Variants in ULK4 observed in about 807,000 individuals in gnomAD.
The protein encoded by ULK4 is unc-51 like kinase 4.
A neutral mutation model predicts 160.6 loss-of-function variants in ULK4; 133 were observed. That is an observed-to-expected ratio of 0.83 (90% CI 0.72 to 0.96). The LOEUF (loss-of-function observed/expected upper bound fraction) is 0.96, where lower values mean the gene tolerates loss of function less well. Ranked by LOEUF, ULK4 falls within the 40% of genes least tolerant of loss-of-function variation. ULK4 has a pLI of 0.00. For missense variants in ULK4, 1,580 were observed against 1,499.5 expected, an observed-to-expected ratio of 1.05 and a Z score of -0.89; for synonymous variants, 534 against 539.8, an observed-to-expected ratio of 0.99 and a Z score of 0.15.
chr3:41,806,434 A>G (rs1034321737), intron 19 of ULK4, among the ~76,000 whole-genome samples: 2 of 152,186 alleles, frequency 1.3e-5, no homozygotes, highest in Non-Finnish European at 2.9e-5. Context: ...TCAAAAAACC[A>G]GCTCCTGGAT....
At chr3:41,699,729 A>G (rs2125820032) in intron 27 of ULK4, among the ~76,000 whole-genome samples, 1 of 152,352 alleles carries the variant, frequency 6.6e-6, no homozygotes, top group South Asian at 2.1e-4. Context: ...AAACAACAGT[A>G]TGTTCCTTGG....
chr3:41,931,027 C>T (rs752464537), intron 5 of ULK4, among the ~76,000 whole-genome samples: 24 of 152,172 alleles, frequency 1.6e-4, no homozygotes, highest in Non-Finnish European at 2.4e-4. Context: ...AAGACATATG[C>T]ACACGTATGT....
intron 29 of ULK4, 94 bp from the exon 30 acceptor site, chr3:41,663,793 G>T: frequency 9.6e-7 from 1 of 1,041,752 alleles, no homozygotes. Flanking sequence ...TTTAGCTTAA[G>T]ACAGAAAGAT....
intron 3 of ULK4, chr3:41,937,729 GAGGT>G: frequency 5.2e-6 from 1 of 193,872 alleles, no homozygotes; most frequent in Non-Finnish European, 1.0e-5. Context: ...AAAATTTTAT[GAGGT>G]ACAGTATGCT....
At chr3:41,538,927 ATTT>A (rs2086602405) in intron 32 of ULK4, among the ~76,000 whole-genome samples, 1 of 151,776 alleles carries the variant, frequency 6.6e-6, no homozygotes, top group Admixed American at 6.6e-5. Context: ...TATATATTTT[ATTT>A]AAGATAGATA....
At chr3:41,547,875 C>A (rs1175241754) in intron 32 of ULK4, among the ~76,000 whole-genome samples, 1 of 152,164 alleles carries the variant, frequency 6.6e-6, no homozygotes, top group African/African-American at 2.4e-5. Context: ...TTGCAGTGAG[C>A]CAGGGAGGCT....
chr3:41,657,835 A>AAAAAAAAAAAAT (rs2035000764), intron 30 of ULK4, among the ~76,000 whole-genome samples: 1 of 142,514 alleles, frequency 7.0e-6, no homozygotes, highest in African/African-American at 2.5e-5. Context: ...AAAAAAAAAA[A>AAAAAAAAAAAAT]CACACACCAC....
chr3:41,809,355 T>A (rs1288198425), intron 19 of ULK4, among the ~76,000 whole-genome samples: 1 of 147,032 alleles, frequency 6.8e-6, no homozygotes, highest in African/African-American at 2.7e-5. Context: ...TTCAATGAAT[T>A]ACTAAAACAA....
intron 34 of ULK4, among the ~76,000 whole-genome samples, chr3:41,453,395 T>C (rs1176220541): frequency 6.6e-6 from 1 of 152,124 alleles, no homozygotes; most frequent in African/African-American, 2.4e-5. Context: ...TAGGCTAGTC[T>C]CAAATGCCAG....
intron 17 of ULK4, among the ~76,000 whole-genome samples, chr3:41,874,942 G>C (rs542943827): frequency 1.5e-4 from 23 of 152,348 alleles, no homozygotes; most frequent in African/African-American, 4.6e-4. Context: ...GGAAGGCTGA[G>C]GCAGGTGGAT....
At chr3:41,373,206 C>T (rs1219386033) in intron 35 of ULK4, among the ~76,000 whole-genome samples, 2 of 152,150 alleles carry the variant, frequency 1.3e-5, no homozygotes, top group Non-Finnish European at 2.9e-5. Flanking sequence ...TGACACCCCA[C>T]TGTCAATATT....
chr3:41,665,630 G>A (rs573547429), intron 29 of ULK4, among the ~76,000 whole-genome samples: 29 of 151,862 alleles, frequency 1.9e-4, no homozygotes, highest in Non-Finnish European at 3.2e-4. Context: ...GTAATTTCAA[G>A]AATGAAAAAA....
chr3:41,414,211 C>CA (rs2082476322), intron 34 of ULK4, among the ~76,000 whole-genome samples: 1 of 152,082 alleles, frequency 6.6e-6, no homozygotes. Flanking sequence ...CAAAAACAAA[C>CA]AAACAAACAA....
intron 4 of ULK4, among the ~76,000 whole-genome samples, chr3:41,932,336 G>A (rs867536285): frequency 4.6e-5 from 7 of 152,164 alleles, no homozygotes; most frequent in African/African-American, 1.7e-4. Context: ...GCTATAACAG[G>A]ATTTGAAAAC....
At chr3:41,877,081 T>TA (rs1300752656) in intron 17 of ULK4, among the ~76,000 whole-genome samples, 11 of 151,912 alleles carry the variant, frequency 7.2e-5, no homozygotes, top group Non-Finnish European at 1.2e-4. Context: ...TCTAAATATC[T>TA]AAAAAAAATT....
chr3:41,733,594 CTATT>C (rs1186148342), intron 22 of ULK4, among the ~76,000 whole-genome samples: 3 of 151,854 alleles, frequency 2.0e-5, no homozygotes, highest in Non-Finnish European at 4.4e-5. Context: ...AAACAGTCAT[CTATT>C]TCATCAAATT....
At chr3:41,691,354 C>T (rs1404732134) in intron 27 of ULK4, among the ~76,000 whole-genome samples, 1 of 151,942 alleles carries the variant, frequency 6.6e-6, no homozygotes, top group Non-Finnish European at 1.5e-5. Flanking sequence ...GGTCAAACCA[C>T]AAACTTGAGT....
intron 35 of ULK4, among the ~76,000 whole-genome samples, chr3:41,350,043 T>C (rs1342621507): frequency 6.6e-6 from 1 of 152,220 alleles, no homozygotes; most frequent in African/African-American, 2.4e-5. Context: ...AATACTATGA[T>C]AAATGTGATT....
chr3:41,463,433 C>T (rs1214507139), intron 32 of ULK4, among the ~76,000 whole-genome samples, 180 bp from the exon 33 acceptor site: 1 of 152,116 alleles, frequency 6.6e-6, no homozygotes, highest in Non-Finnish European at 1.5e-5. Flanking sequence ...GGCCTCACTC[C>T]CAGAGAGTGT....
Sources: allele counts gnomAD v4.1 joint callset (sites outside exome capture counted in the v4.1 genomes callset), GRCh38; gene constraint gnomAD v4.1.1; transcripts MANE v1.5; gene names NCBI Gene and HGNC (gene_info 2026-07-23, HGNC 2026-07-21).